The following RIMS2 variants were observed in gnomAD, a reference collection of about 807,000 sequenced individuals.
RIMS2 encodes regulating synaptic membrane exocytosis 2.
In RIMS2, 59 loss-of-function variants were observed where a neutral mutation model predicts 174.4. The ratio of observed to expected loss-of-function variants is 0.34; its 90% CI spans 0.27 to 0.42. RIMS2 has a LOEUF of 0.42. Among genes scored for constraint, RIMS2 ranks in the 10% least tolerant of loss-of-function variants. The probability of loss-of-function intolerance (pLI) is 1.00; values close to 1 mark genes in which losing one functional copy is unlikely to be tolerated. For synonymous variants in RIMS2, 606 were observed against 572.5 expected (o/e 1.06, Z -0.84); for missense variants, 1,620 against 1,666.3 (o/e 0.97, Z 0.48).
chr8:104,114,484 C>A (rs1376827797), intron 19 of RIMS2, among the ~76,000 whole-genome samples: 2 of 151,726 alleles, frequency 1.3e-5, no homozygotes, highest in African/African-American at 4.8e-5. Context: ...AAGAAGAGAA[C>A]AAAAAGATGT....
intron 11 of RIMS2, chr8:103,927,973 CT>C: frequency 3.7e-6 from 4 of 1,092,258 alleles, no homozygotes; most frequent in Admixed American, 2.7e-5. Flanking sequence ...AGTAGGAAAA[CT>C]TTTTTTGTTA....
chr8:104,077,030 G>A (rs1396684219), intron 19 of RIMS2, among the ~76,000 whole-genome samples: 5 of 151,958 alleles, frequency 3.3e-5, no homozygotes, highest in African/African-American at 1.2e-4. Context: ...ACGTTGGCCA[G>A]GCTGGTTTTG....
chr8:103,974,790 T>C (rs1378281628), intron 15 of RIMS2, among the ~76,000 whole-genome samples: 1 of 152,158 alleles, frequency 6.6e-6, no homozygotes, highest in Non-Finnish European at 1.5e-5. Flanking sequence ...CTTGGGAGAC[T>C]GAGGTGGGAG....
chr8:103,583,095 G>A (rs1035517699), intron 1 of RIMS2, among the ~76,000 whole-genome samples: 6 of 152,176 alleles, frequency 3.9e-5, no homozygotes, highest in Admixed American at 3.9e-4. Flanking sequence ...AACACAGAGA[G>A]AGACACTTTA....
intron 1 of RIMS2, among the ~76,000 whole-genome samples, chr8:103,575,347 C>G (rs964364066): frequency 6.6e-5 from 10 of 152,038 alleles, no homozygotes; most frequent in Non-Finnish European, 1.0e-4. Context: ...GCAGTTTAAA[C>G]TAAAGTCAAC....
At chr8:103,505,654 A>G (rs1823140850) in intron 1 of RIMS2, among the ~76,000 whole-genome samples, 1 of 152,180 alleles carries the variant, frequency 6.6e-6, no homozygotes. Flanking sequence ...AAGGGTTAGT[A>G]TATTTTAAAT....
intron 16 of RIMS2, among the ~76,000 whole-genome samples, chr8:103,980,679 C>T (rs72683118): frequency 6.6e-6 from 1 of 152,088 alleles, no homozygotes; most frequent in Non-Finnish European, 1.5e-5. Context: ...CCTGCCCTGG[C>T]CCAGAGGGGA....
intron 10 of RIMS2, among the ~76,000 whole-genome samples, chr8:103,926,972 T>C (rs2078900617): frequency 6.6e-6 from 1 of 151,488 alleles, no homozygotes; most frequent in Admixed American, 6.6e-5. Context: ...TGCTTTTTGT[T>C]TGAGTATGGG....
In RIMS2 at chr8:103,910,519, A is replaced by G. The variant is rs947766833; in HGVS notation, c.1692+318A>G. The G allele has an allele frequency of 8.2e-6, 13 of 1,589,700 alleles. No individual in the cohort carries two copies. In the African/African-American group the frequency reaches 1.5e-4, roughly 18 times the overall value. ...ACAACCCTTAACGAGGAGCATAGCC[A>G]TAGTGATAAGGTACTGAGATTGTGG... On this transcript the variant is annotated intron_variant, in intron 5 of 23. Coordinates refer to ENST00000504942, the Ensembl canonical transcript of RIMS2.
intron 3 of RIMS2, chr8:103,880,649 T>C: frequency 1.9e-6 from 1 of 529,592 alleles, no homozygotes; most frequent in East Asian, 3.1e-5. Flanking sequence ...TTTGTCAACA[T>C]GATGCTTCAT....
At chr8:104,198,681 G>A (rs2099037991) in intron 19 of RIMS2, among the ~76,000 whole-genome samples, 1 of 152,166 alleles carries the variant, frequency 6.6e-6, no homozygotes, top group African/African-American at 2.4e-5. Flanking sequence ...ATTTTGGTAG[G>A]AATTTCTACC....
At chr8:103,650,761 C>T (rs2096437171) in intron 1 of RIMS2, among the ~76,000 whole-genome samples, 1 of 152,196 alleles carries the variant, frequency 6.6e-6, no homozygotes, top group Non-Finnish European at 1.5e-5. Flanking sequence ...TCAAAGTTGG[C>T]AGGCTGAAAT....
chr8:103,898,749 G>A (rs529735527), intron 4 of RIMS2, among the ~76,000 whole-genome samples: 2 of 151,234 alleles, frequency 1.3e-5, no homozygotes, highest in South Asian at 2.1e-4. Context: ...TATACTTTAA[G>A]TTCTAGGGTA....
At chr8:103,788,007 T>C (rs1308086446) in intron 3 of RIMS2, among the ~76,000 whole-genome samples, 1 of 151,770 alleles carries the variant, frequency 6.6e-6, no homozygotes, top group African/African-American at 2.4e-5. Context: ...CCTTCTCACT[T>C]CATTTCATTC....
intron 19 of RIMS2, among the ~76,000 whole-genome samples, chr8:104,077,007 G>C (rs1436792071): frequency 6.6e-6 from 1 of 151,372 alleles, no homozygotes; most frequent in Non-Finnish European, 1.5e-5. Context: ...TTAGTAAAAG[G>C]CAGGGTTTCA....
intron 19 of RIMS2, among the ~76,000 whole-genome samples, chr8:104,050,061 C>A (rs149257334): frequency 1.5e-3 from 222 of 152,150 alleles, no homozygotes; most frequent in African/African-American, 4.8e-3. Flanking sequence ...TATAAAATAG[C>A]CAAATAACCA....
chr8:103,834,332 C>CTTTTTTTTTT (rs397892077), intron 3 of RIMS2, among the ~76,000 whole-genome samples: 1 of 119,286 alleles, frequency 8.4e-6, no homozygotes, highest in Non-Finnish European at 1.7e-5. Flanking sequence ...TTTTCTTTTT[C>CTTTTTTTTTT]TTTTTTTTTT....
chr8:103,866,997 T>C (rs922068542), intron 3 of RIMS2, among the ~76,000 whole-genome samples: 7 of 151,978 alleles, frequency 4.6e-5, no homozygotes, highest in African/African-American at 1.4e-4. Flanking sequence ...GAAATATATT[T>C]AGGTTAAGGA....
At chr8:103,637,748 C>T (rs545699247) in intron 1 of RIMS2, among the ~76,000 whole-genome samples, 1 of 152,178 alleles carries the variant, frequency 6.6e-6, no homozygotes, top group African/African-American at 2.4e-5. Context: ...TATTAAATAA[C>T]TGTAGGATTT....
Sources: gnomAD v4.1 joint callset for allele counts (sites outside exome capture counted in the v4.1 genomes callset) on GRCh38, gnomAD v4.1.1 for gene constraint, MANE v1.5 for transcripts, NCBI Gene and HGNC (gene_info 2026-07-23, HGNC 2026-07-21) for gene names.